ANGPT1: variants seen among roughly 807,000 people sequenced by gnomAD.
The protein encoded by ANGPT1 is angiopoietin-1.
A neutral mutation model predicts 62.2 loss-of-function variants in ANGPT1; 17 were observed. The observed-to-expected ratio is 0.27, with a 90% CI of 0.19 to 0.41. The LOEUF (loss-of-function observed/expected upper bound fraction) is 0.41, where lower values mean the gene tolerates loss of function less well. ANGPT1 is among the 10% of genes least tolerant of loss of function. The pLI is 1.00. For missense variants in ANGPT1, 478 were observed against 594.9 expected, an observed-to-expected ratio of 0.80 and a Z score of 2.04; for synonymous variants, 199 against 198.9, an observed-to-expected ratio of 1.00 and a Z score of 0.00.
chr8:107,401,119 C>A (rs1817039055), intron 1 of ANGPT1, among the ~76,000 whole-genome samples: 1 of 152,036 alleles, frequency 6.6e-6, no homozygotes, highest in African/African-American at 2.4e-5. Context: ...GTTTTGAGTC[C>A]ATAGACTTTG....
intron 1 of ANGPT1, among the ~76,000 whole-genome samples, chr8:107,431,188 C>T (rs776746460): frequency 2.6e-4 from 39 of 152,122 alleles, no homozygotes; most frequent in Non-Finnish European, 4.7e-4. Flanking sequence ...GTGTGTTTAG[C>T]ACATTACATT....
chr8:107,429,895 C>G lies in ANGPT1; in HGVS notation c.297+67367G>C, dbSNP rs1248407851. Among the ~76,000 whole-genome samples the G allele has an allele frequency of 2.0e-5, 3 of 151,968 alleles. No homozygotes were observed. The East Asian group carries it at 5.8e-4, about 29-fold the overall frequency. On this transcript the variant is annotated intron_variant, in intron 1 of 8. Coordinates refer to ENST00000517746, the MANE Select transcript of ANGPT1 (RefSeq NM_001146.5). ...ATTGTGATTAACATAAAAGTAAAAG[C>G]AATAAAAAGGTAACAAAAAGAATCA...
chr8:107,400,616 T>C (rs1008742877), intron 1 of ANGPT1, among the ~76,000 whole-genome samples: 2 of 151,440 alleles, frequency 1.3e-5, no homozygotes, highest in Non-Finnish European at 2.9e-5. Flanking sequence ...CTGGAGTGCA[T>C]TGTCGTGATC....
intron 1 of ANGPT1, among the ~76,000 whole-genome samples, chr8:107,356,250 T>G (rs1816042719): frequency 6.6e-6 from 1 of 152,204 alleles, no homozygotes; most frequent in African/African-American, 2.4e-5. Flanking sequence ...CTATGAGTCA[T>G]TGTTTAAATC....
chr8:107,414,231 C>T (rs1466076441), intron 1 of ANGPT1, among the ~76,000 whole-genome samples: 2 of 152,084 alleles, frequency 1.3e-5, no homozygotes, highest in Non-Finnish European at 1.5e-5. Flanking sequence ...AATCCAAGTG[C>T]ACAGCTTCTG....
At chr8:107,402,974 C>T (rs1451008046) in intron 1 of ANGPT1, among the ~76,000 whole-genome samples, 1 of 152,028 alleles carries the variant, frequency 6.6e-6, no homozygotes, top group East Asian at 1.9e-4. Flanking sequence ...TTGGAAATAA[C>T]CATATATCAG....
chr8:107,437,978 G>T (rs986189770), intron 1 of ANGPT1, among the ~76,000 whole-genome samples: 3 of 152,154 alleles, frequency 2.0e-5, no homozygotes, highest in African/African-American at 4.8e-5. Flanking sequence ...CTGTGACCCT[G>T]CTGGACCTGC....
chr8:107,460,580 T>C (rs533386443), intron 1 of ANGPT1, among the ~76,000 whole-genome samples: 84 of 152,234 alleles, frequency 5.5e-4, no homozygotes, highest in Non-Finnish European at 1.0e-3. Context: ...TCTGTGTAAA[T>C]CCCTGCTGCA....
chr8:107,496,357 C>G (rs1196246709), intron 1 of ANGPT1, among the ~76,000 whole-genome samples: 1 of 152,136 alleles, frequency 6.6e-6, no homozygotes, highest in African/African-American at 2.4e-5. Context: ...TCAACAAAAA[C>G]TTAAATGGTT....
intron 1 of ANGPT1, among the ~76,000 whole-genome samples, chr8:107,448,776 AGCGAGAACCC>A (rs997129084): frequency 6.6e-6 from 1 of 152,214 alleles, no homozygotes; most frequent in Non-Finnish European, 1.5e-5. Context: ...AACATTCTAT[AGCGAGAACCC>A]AAAAAGAATC....
At chr8:107,408,935 A>C (rs1817204410) in intron 1 of ANGPT1, among the ~76,000 whole-genome samples, 1 of 152,238 alleles carries the variant, frequency 6.6e-6, no homozygotes. Context: ...TATTACAGGC[A>C]GCAGAATAAT....
intron 1 of ANGPT1, among the ~76,000 whole-genome samples, chr8:107,459,783 T>C (rs1198707300): frequency 6.6e-6 from 1 of 152,176 alleles, no homozygotes; most frequent in African/African-American, 2.4e-5. Context: ...TAGAATGTCA[T>C]TGAAGTAGAG....
intron 8 of ANGPT1, among the ~76,000 whole-genome samples, chr8:107,253,029 C>G (rs1813281055): frequency 3.9e-5 from 6 of 152,162 alleles, no homozygotes; most frequent in Admixed American, 3.9e-4. Flanking sequence ...CTTGCAGAAA[C>G]TTTAGAAGAA....
At chr8:107,451,267 G>C (rs1158433191) in intron 1 of ANGPT1, among the ~76,000 whole-genome samples, 1 of 151,420 alleles carries the variant, frequency 6.6e-6, no homozygotes, top group African/African-American at 2.4e-5. Flanking sequence ...AATGAAGAGA[G>C]AAACTGCTCT....
intron 8 of ANGPT1, among the ~76,000 whole-genome samples, chr8:107,260,549 T>C (rs894628234): frequency 6.6e-6 from 1 of 151,946 alleles, no homozygotes; most frequent in Non-Finnish European, 1.5e-5. Flanking sequence ...AGAGAATAAG[T>C]AGTAGTGGTG....
chr8:107,343,267 T>C (rs1354590242), intron 2 of ANGPT1, among the ~76,000 whole-genome samples: 1 of 151,830 alleles, frequency 6.6e-6, no homozygotes, highest in Admixed American at 6.6e-5. Flanking sequence ...CGAGGAAAAA[T>C]TGGGAGGAAG....
In ANGPT1 at chr8:107,293,996, T is replaced by C; in HGVS notation, c.978A>G (p.Val326=). The change falls in exon 6 of 9, where the codon GTA becomes GTG. Residue 326 remains valine (V), a synonymous_variant. Coordinates refer to ENST00000517746, the MANE Select transcript of ANGPT1 (RefSeq NM_001146.5). Reference sequence around the variant, plus strand: ...GACTTCCATCTTCACGATGTTGTATTACAGTCCAACCTCCCCCATTGACAT... The same window carrying C: ...GACTTCCATCTTCACGATGTTGTATCACAGTCCAACCTCCCCCATTGACAT... ...NMDVNGGGWT[V]IQHREDGSLD... The C allele has an allele frequency of 2.5e-6, 4 of 1,613,646 alleles. No individual in the cohort carries two copies. The highest frequency in any genetic ancestry group is 3.4e-6 in the Non-Finnish European group (4 of 1,179,818).
intron 1 of ANGPT1, among the ~76,000 whole-genome samples, chr8:107,422,038 A>G (rs564851453): frequency 6.6e-6 from 1 of 152,256 alleles, no homozygotes; most frequent in South Asian, 2.1e-4. Flanking sequence ...TTCTATAGAG[A>G]GTAAGAAAGC....
chr8:107,286,617 C>T (rs1368901229), intron 6 of ANGPT1, among the ~76,000 whole-genome samples: 2 of 152,030 alleles, frequency 1.3e-5, no homozygotes, highest in Non-Finnish European at 2.9e-5. Flanking sequence ...CATATGTGTA[C>T]ACTTTTAAAG....
Sources: gnomAD v4.1 joint callset for allele counts (sites outside exome capture counted in the v4.1 genomes callset) on GRCh38, gnomAD v4.1.1 for gene constraint, MANE v1.5 for transcripts, NCBI Gene and HGNC (gene_info 2026-07-23, HGNC 2026-07-21) for gene names.